The following TPP2 variants were observed in gnomAD, a reference collection of about 807,000 sequenced individuals.
The protein encoded by TPP2 is tripeptidyl peptidase 2.
A neutral mutation model predicts 155.9 loss-of-function variants in TPP2; 34 were observed. The ratio of observed to expected loss-of-function variants is 0.22; its 90% CI spans 0.17 to 0.29. TPP2 has a LOEUF of 0.29. TPP2 is among the 10% of genes least tolerant of loss of function. The pLI is 1.00. For missense variants in TPP2, 1,028 were observed against 1,522.3 expected, an observed-to-expected ratio of 0.68 and a Z score of 5.40; for synonymous variants, 510 against 529.4, an observed-to-expected ratio of 0.96 and a Z score of 0.50.
Position 102,674,285 on chromosome 13 carries a change from A to T in TPP2, c.3374A>T (p.Asp1125Val). ...PRPDAATIKN[D>V]MDKQKSTLVD... ...ATATTTTTTAATTTGCTGTACAGTG[A>T]CATGGACAAACAAAAATCCACCCTC... Residue 1125 changes from aspartate to valine, a missense_variant and splice_region_variant, in exon 28 of 30, where the codon GAC (aspartate) becomes GTC (valine). This residue lies in a region of TPP2 where 116 missense variants were observed against 117.3 expected (regional missense o/e 0.99). Transcript: ENST00000376052. 1 of 1,613,478 alleles carries T rather than the reference A, an allele frequency of 6.2e-7. No individual in the cohort carries two copies. The highest frequency in any genetic ancestry group is 1.1e-5 in the South Asian group (1 of 91,058).
intron 16 of TPP2, among the ~76,000 whole-genome samples, chr13:102,642,187 G>A (rs1165267684): frequency 1.3e-5 from 2 of 152,144 alleles, no homozygotes; most frequent in East Asian, 1.9e-4. Flanking sequence ...GCTTGTCTTC[G>A]TTGGGATTAC....
chr13:102,640,437 T>C (rs1595176422), intron 16 of TPP2, 61 bp downstream of exon 16: 2 of 1,333,690 alleles, frequency 1.5e-6, no homozygotes, highest in East Asian at 4.7e-5. Flanking sequence ...TGACTATAGC[T>C]GTATGAGGTT....
intron 17 of TPP2, 82 bp downstream of exon 17, chr13:102,643,458 T>C: frequency 7.9e-7 from 1 of 1,257,978 alleles, no homozygotes; most frequent in Non-Finnish European, 1.0e-6. Context: ...TTGCATTTGA[T>C]TTTATAGTTT....
chr13:102,611,379 T>G (rs1241337365), intron 2 of TPP2, among the ~76,000 whole-genome samples: 1 of 152,142 alleles, frequency 6.6e-6, no homozygotes, highest in Non-Finnish European at 1.5e-5. Flanking sequence ...GTGTCTGTAT[T>G]AAAGGACATT....
chr13:102,619,437 C>CAAAA lies in TPP2; in HGVS notation c.620+598_620+601dup, dbSNP rs10682969. ...CCATATGTGTGCTTTAGGATTTCTGCAAAAAAAAAACAAACAAACAGGGAC... is the reference window on the plus strand; with the variant it reads ...CCATATGTGTGCTTTAGGATTTCTGCAAAAAAAAAAAAAACAAACAAACAGGGAC... On this transcript the variant is annotated intron_variant, in intron 5 of 29. Transcript: ENST00000376052. Among the ~76,000 whole-genome samples the CAAAA allele has an allele frequency of 3.7e-3, 536 of 144,486 alleles. 2 individuals are homozygous for CAAAA. Among genetic ancestry groups the CAAAA allele is most frequent in the African/African-American group, 0.012 (468 of 39,534 alleles). The allele number at this position is 144,486 out of a possible 152,430, so 94.8% of individuals were successfully genotyped here.
In TPP2 at chr13:102,678,455, CAG is replaced by C; in HGVS notation, c.*143_*144del. 1 of 666,792 alleles carries C rather than the reference CAG, an allele frequency of 1.5e-6. No individual in the cohort carries two copies. The highest frequency in any genetic ancestry group is 2.5e-6 in the Non-Finnish European group (1 of 406,928). 41.3% of individuals were successfully genotyped at this position (666,792 alleles called of 1,614,324 possible). On this transcript the variant is annotated 3_prime_UTR_variant, in exon 30 of 30. Coordinates refer to ENST00000376052, the MANE Select transcript of TPP2 (RefSeq NM_001330588.2). Reference sequence around the variant, plus strand: ...GATTATTAAAATGACATGTATTTATCAGAGAATTCACTGACGTGTGGCTTAAT... The same window carrying C: ...GATTATTAAAATGACATGTATTTATCAGAATTCACTGACGTGTGGCTTAAT...
chr13:102,603,620 AG>A (rs1879595907), intron 1 of TPP2, among the ~76,000 whole-genome samples: 2 of 152,202 alleles, frequency 1.3e-5, no homozygotes, highest in Admixed American at 1.3e-4. Context: ...ACGGGGTGGC[AG>A]GGGTCAGATG....
At chr13:102,672,206 G>C (rs1297057082) in intron 27 of TPP2, among the ~76,000 whole-genome samples, 1 of 152,154 alleles carries the variant, frequency 6.6e-6, no homozygotes, top group Non-Finnish European at 1.5e-5. Flanking sequence ...ACTAGGGGCC[G>C]AAGAGAGTTA....
chr13:102,641,794 T>C (rs1882783261), intron 16 of TPP2, among the ~76,000 whole-genome samples: 1 of 152,200 alleles, frequency 6.6e-6, no homozygotes, highest in South Asian at 2.1e-4. Flanking sequence ...ATGGAGCTAT[T>C]GCAGCAGTGA....
intron 25 of TPP2, among the ~76,000 whole-genome samples, chr13:102,663,140 A>ATTTATTTT (rs1566368027): frequency 3.6e-5 from 2 of 55,416 alleles, no homozygotes; most frequent in Non-Finnish European, 8.6e-5. Context: ...ATTTTTTTTA[A>ATTTATTTT]TTAATTAATT....
At chr13:102,668,188 C>G (rs1251240983) in intron 27 of TPP2, among the ~76,000 whole-genome samples, 1 of 152,012 alleles carries the variant, frequency 6.6e-6, no homozygotes, top group Non-Finnish European at 1.5e-5. Context: ...CTTTACATTC[C>G]CTTGTTATCT....
At position 102,624,057 on chromosome 13, in the gene TPP2, G is replaced by A. The variant is rs540423190; in HGVS notation, c.784+1017G>A. 2.6e-5 allele frequency among the ~76,000 whole-genome samples: 4 copies of A among 152,266 alleles called. No individual in the cohort carries two copies. The East Asian group carries it at 7.7e-4, about 29-fold the overall frequency. On this transcript the variant is annotated intron_variant, in intron 6 of 29. Transcript: ENST00000376052. ...TACAGAGGGCCGAATGTATTATATA[G>A]CAATCAAAATGCTGTGTGTATAAAC...
At chr13:102,661,712 A>C (rs1459980622) in intron 25 of TPP2, among the ~76,000 whole-genome samples, 1 of 152,214 alleles carries the variant, frequency 6.6e-6, no homozygotes, top group African/African-American at 2.4e-5. Context: ...AATGCACATC[A>C]AAATCACAAT....
At chr13:102,673,180 A>C (rs1595226029) in intron 27 of TPP2, among the ~76,000 whole-genome samples, 1 of 152,286 alleles carries the variant, frequency 6.6e-6, no homozygotes, top group African/African-American at 2.4e-5. Context: ...TTAGATTAAC[A>C]GGACTCCTTG....
In TPP2 at chr13:102,647,275, C is replaced by T. The variant is rs2058331021; in HGVS notation, c.2559C>T (p.Asp853=). ...LCELLYESEF[D]SQLWIIFDQN... The stretch of plus-strand genomic sequence containing the variant: ...AACTATTATATGAATCTGAATTTGA[C>T]AGCCAACTGTGGATTATTTTTGACC... The change falls in exon 21 of 30, where the codon GAC becomes GAT. Residue 853 remains aspartate, a synonymous_variant. Transcript: ENST00000376052. 1 of 1,613,826 alleles carries T rather than the reference C, an allele frequency of 6.2e-7. No individual in the cohort carries two copies. Among genetic ancestry groups the T allele is most frequent in the Non-Finnish European group, 8.5e-7 (1 of 1,179,926 alleles).
At chr13:102,649,794 A>G (rs964038740) in intron 23 of TPP2, among the ~76,000 whole-genome samples, 2 of 151,678 alleles carry the variant, frequency 1.3e-5, no homozygotes, top group African/African-American at 4.9e-5. Context: ...ATACAAATCA[A>G]ACTTGGCTTA....
chr13:102,669,024 AGG>A (rs1433970935), intron 27 of TPP2, among the ~76,000 whole-genome samples: 1 of 152,142 alleles, frequency 6.6e-6, no homozygotes, highest in Non-Finnish European at 1.5e-5. Context: ...AGAGGACCTG[AGG>A]GGGTGTGAAC....
intron 20 of TPP2, 98 bp downstream of exon 20, chr13:102,646,488 A>G (rs2139538155): frequency 3.8e-6 from 3 of 790,438 alleles, no homozygotes; most frequent in Non-Finnish European, 5.7e-6. Context: ...TATATGGTAT[A>G]TATAAAAAAC....
intron 24 of TPP2, among the ~76,000 whole-genome samples, chr13:102,652,419 T>C (rs1199439665): frequency 1.6e-4 from 2 of 12,864 alleles, no homozygotes; most frequent in African/African-American, 1.2e-3. Flanking sequence ...TATATATATA[T>C]ATATATATAT....
Sources: gnomAD v4.1 joint callset for allele counts (sites outside exome capture counted in the v4.1 genomes callset) on GRCh38, gnomAD v4.1.1 for gene constraint, gnomAD v4.1.1 regional missense constraint, MANE v1.5 for transcripts, NCBI Gene and HGNC (gene_info 2026-07-23, HGNC 2026-07-21) for gene names.